COL6A2: variants seen among roughly 807,000 people sequenced by gnomAD.
COL6A2 encodes the protein collagen alpha-2(VI) chain.
In COL6A2, 90 loss-of-function variants were observed where a neutral mutation model predicts 124.9. The observed-to-expected ratio is 0.72, with a 90% CI of 0.61 to 0.86. The LOEUF (loss-of-function observed/expected upper bound fraction) is 0.86, where lower values mean the gene tolerates loss of function less well. Ranked by LOEUF, COL6A2 falls within the 40% of genes least tolerant of loss-of-function variation. COL6A2 has a pLI of 0.00. For missense variants in COL6A2, 1,607 were observed against 1,502.5 expected (o/e 1.07, Z -1.15); for synonymous variants, 793 against 618.2 (o/e 1.28, Z -4.19).
chr21:46,107,377 T>A (rs1263110843), intron 1 of COL6A2, among the ~76,000 whole-genome samples: 2 of 152,150 alleles, frequency 1.3e-5, no homozygotes, highest in African/African-American at 4.8e-5. Flanking sequence ...TCCATCTGAC[T>A]CTGGCATGAC....
intron 5 of COL6A2, 124 bp downstream of exon 5, chr21:46,114,197 C>T (rs997611390): frequency 6.5e-5 from 51 of 779,800 alleles, no homozygotes; most frequent in Middle Eastern, 5.1e-4. Flanking sequence ...GAGGCCGAGG[C>T]GGGCGGATCA....
At chr21:46,105,765 AT>A (rs2078329465) in intron 1 of COL6A2, among the ~76,000 whole-genome samples, 1 of 152,218 alleles carries the variant, frequency 6.6e-6, no homozygotes. Flanking sequence ...ATGTTTCACC[AT>A]CAAAAAAATT....
Position 46,132,062 on chromosome 21 carries a change from A to AGCAGGTGGCGCG in COL6A2, c.2573_2584dup (p.Gln858_Arg861dup), listed in dbSNP as rs1168186304. ...TTCCACAAGGCCCGGCGCTTCGTGGAGCAGGTGGCGCGGCGGCTGACGCTG... is the reference window on the plus strand; with the variant it reads ...TTCCACAAGGCCCGGCGCTTCGTGGAGCAGGTGGCGCGGCAGGTGGCGCGGCGGCTGACGCTG... On this transcript the variant is annotated inframe_insertion, in exon 28 of 28. Transcript: ENST00000300527. 5.6e-6 allele frequency: 9 copies of AGCAGGTGGCGCG among 1,606,392 alleles called. No individual in the cohort carries two copies. Among genetic ancestry groups the AGCAGGTGGCGCG allele is most frequent in the South Asian group, 1.1e-5 (1 of 90,748 alleles).
rs1384437929 is a variant in COL6A2, at chr21:46,125,960, C to T, written c.2145C>T (p.Ile715=). Reference sequence around the variant, plus strand: ...TCAAGTTTGCCTACGACCGCCTCATCAAGGAGAGCCGGCGCCAGAAGACAC... The same window carrying T: ...TCAAGTTTGCCTACGACCGCCTCATTAAGGAGAGCCGGCGCCAGAAGACAC... ...SALKFAYDRL[I]KESRRQKTRV... The change falls in exon 26 of 28, where the codon ATC becomes ATT. Residue 715 remains isoleucine, a synonymous_variant. Coordinates refer to ENST00000300527, the MANE Select transcript of COL6A2 (RefSeq NM_001849.4). The T allele has an allele frequency of 6.2e-7, 1 of 1,613,194 alleles. No homozygotes were observed. The highest frequency in any genetic ancestry group is 1.3e-5 in the African/African-American group (1 of 75,038).
rs748591526 is a variant in COL6A2, at chr21:46,122,548, G to A, written c.1608+17G>A. 86 of 1,612,336 alleles carry A rather than the reference G, an allele frequency of 5.3e-5. No individual in the cohort carries two copies. The highest frequency in any genetic ancestry group is 2.2e-4 in the East Asian group (10 of 44,846). On this transcript the variant is annotated intron_variant, in intron 20 of 27. Transcript: ENST00000300527. ...GGCCCCGAGGTATGTGTGGGTCCTG[G>A]CCACCTGTGCCCACCCAGGGTGGGG...
chr21:46,108,393 T>C (rs2078358782), intron 1 of COL6A2, among the ~76,000 whole-genome samples: 1 of 152,246 alleles, frequency 6.6e-6, no homozygotes, highest in Admixed American at 6.5e-5. Context: ...ACATGATTTC[T>C]GTATATGAGC....
At position 46,112,129 on chromosome 21, in the gene COL6A2, A is replaced by G. The variant is rs770956606; in HGVS notation, c.266A>G (p.Gln89Arg). 6.2e-7 allele frequency: 1 copy of G among 1,613,178 alleles called. No individual in the cohort carries two copies. The highest frequency in any genetic ancestry group is 1.7e-5 in the Admixed American group (1 of 60,020). ...CTGCAGAACGAGTTCTACCTGGACCAGGTGGCGCTGAGCTGGCGCTACGGC... is the reference window on the plus strand; with the variant it reads ...CTGCAGAACGAGTTCTACCTGGACCGGGTGGCGCTGAGCTGGCGCTACGGC... ...SQLQNEFYLD[Q>R]VALSWRYGGL... Residue 89 changes from glutamine (Q) to arginine (R), a missense_variant, in exon 3 of 28, where the codon CAG becomes CGG. By Grantham distance (43) the Gln-to-Arg change is conservative. Coordinates refer to ENST00000300527, the MANE Select transcript of COL6A2 (RefSeq NM_001849.4).
chr21:46,129,000 C>T (rs1027097562), intron 27 of COL6A2: 17 of 1,605,436 alleles, frequency 1.1e-5, no homozygotes, highest in Non-Finnish European at 1.4e-5. Context: ...CTGCCAGCTT[C>T]CTGTCCCTGT....
chr21:46,118,917 G>C lies in COL6A2; in HGVS notation c.1180-113G>C, dbSNP rs906729739. 24 of 1,010,872 alleles carry C rather than the reference G, an allele frequency of 2.4e-5. No homozygotes were observed. In the African/African-American group the frequency reaches 3.3e-4, roughly 14 times the overall value. 62.6% of individuals were successfully genotyped at this position (1,010,872 alleles called of 1,614,324 possible). A position where few individuals can be genotyped will look rare whatever the true frequency, so the allele number is the denominator to read the frequency against. ...ACCCTGCAGGGCCCCCATGTGCCTG[G>C]CAAGCAGATTCCGCTGGAAGATAAT... On this transcript the variant is annotated intron_variant, in intron 13 of 27. Transcript: ENST00000300527.
Position 46,113,001 on chromosome 21 carries a change from C to A in COL6A2, c.735+177C>A. ...CTGGAGAAAGGGCTCCCAGCCAAAGCTAGGCTGTTTAGATCCCGTGAGGGT... is the reference window on the plus strand; with the variant it reads ...CTGGAGAAAGGGCTCCCAGCCAAAGATAGGCTGTTTAGATCCCGTGAGGGT... On this transcript the variant is annotated intron_variant, in intron 4 of 27. Transcript: ENST00000300527. The A allele has an allele frequency of 5.1e-6, 4 of 782,954 alleles. 1 individual carries two copies. The highest frequency in any genetic ancestry group is 1.6e-5 in the South Asian group (1 of 64,510). 48.5% of individuals were successfully genotyped at this position (782,954 alleles called of 1,614,324 possible). A position where few individuals can be genotyped will look rare whatever the true frequency, so the allele number is the denominator to read the frequency against.
Position 46,132,356 on chromosome 21 carries a change from A to G in COL6A2, c.2864A>G (p.Asp955Gly). The change falls in exon 28 of 28, where the codon GAC becomes GGC. Residue 955 changes from aspartate (D) to glycine (G), a missense_variant. Coordinates refer to ENST00000300527, the MANE Select transcript of COL6A2 (RefSeq NM_001849.4). Reference protein sequence around the residue: ...VFLTDGVTGNDSLHESAHSMR... With the variant: ...VFLTDGVTGNGSLHESAHSMR... Reference sequence around the variant, plus strand: ...CTCACGGACGGCGTCACGGGCAACGACAGTCTGCACGAGTCGGCGCACTCC... The same window carrying G: ...CTCACGGACGGCGTCACGGGCAACGGCAGTCTGCACGAGTCGGCGCACTCC... The G allele has an allele frequency of 6.2e-7, 1 of 1,608,860 alleles. No homozygotes were observed. The highest frequency in any genetic ancestry group is 8.5e-7 in the Non-Finnish European group (1 of 1,179,578).
chr21:46,132,472 G>A lies in COL6A2; in HGVS notation c.2980G>A (p.Ala994Thr), dbSNP rs117931394. The A allele has an allele frequency of 5.5e-3, 8,850 of 1,606,384 alleles. 443 individuals are homozygous for A. The East Asian group carries it at 0.13, about 23-fold the overall frequency. The change falls in exon 28 of 28, where the codon GCC (alanine) becomes ACC (threonine). Residue 994 changes from alanine (A) to threonine (T), a missense_variant. Physicochemically the swap from Ala to Thr is moderately conservative, Grantham distance 58. Around this residue, in one of 3 missense-constraint regions of COL6A2, gnomAD observed 1,223 missense variants for 1,052.2 expected, o/e 1.16. Coordinates refer to ENST00000300527, the MANE Select transcript of COL6A2 (RefSeq NM_001849.4). ...VLTTLSLGDRAAVFHEKDYDS... is the reference protein window; with the variant it reads ...VLTTLSLGDRTAVFHEKDYDS... ...CACCACGCTCAGCCTGGGTGACCGC[G>A]CCGCCGTGTTCCACGAGAAGGACTA...
At position 46,125,424 on chromosome 21, in the gene COL6A2, G is replaced by A. The variant is rs201127295; in HGVS notation, c.1817-41G>A. On this transcript the variant is annotated intron_variant, in intron 24 of 27. Transcript: ENST00000300527. ...ATGTGCACGTGACCCTAGGGTCTGAGGTCTCCCCGGTACCCCCCGATGACC... is the reference window on the plus strand; with the variant it reads ...ATGTGCACGTGACCCTAGGGTCTGAAGTCTCCCCGGTACCCCCCGATGACC... 176 of 1,611,292 alleles carry A rather than the reference G, an allele frequency of 1.1e-4. No homozygotes were observed. The African/African-American group carries it at 2.1e-3, about 19-fold the overall frequency.
At chr21:46,117,975 C>A (rs180796593) in intron 12 of COL6A2, 39 bp downstream of exon 12, 2 of 1,587,444 alleles carry the variant, frequency 1.3e-6, no homozygotes, top group Non-Finnish European at 1.7e-6. Flanking sequence ...GGCGGGGTCA[C>A]CAGCTTCCAG....
intron 1 of COL6A2, among the ~76,000 whole-genome samples, chr21:46,108,378 C>T (rs2078358629): frequency 6.6e-6 from 1 of 152,074 alleles, no homozygotes; most frequent in Non-Finnish European, 1.5e-5. Context: ...TCCCTGAATT[C>T]CTGGACATGA....
intron 11 of COL6A2, 176 bp downstream of exon 11, chr21:46,117,629 C>T: frequency 1.3e-6 from 1 of 775,046 alleles, no homozygotes; most frequent in South Asian, 1.6e-5. Flanking sequence ...GAGGAACTCC[C>T]CCTGGGAGCT....
intron 1 of COL6A2, 171 bp from the exon 2 acceptor site, chr21:46,111,279 C>T (rs989386335): frequency 8.8e-6 from 5 of 568,270 alleles, no homozygotes; most frequent in South Asian, 2.1e-5. Flanking sequence ...GGGCGCAAGC[C>T]CCCCAGTCCA....
At chr21:46,117,171 C>T (rs1398636498) in intron 10 of COL6A2, among the ~76,000 whole-genome samples, 1 of 152,250 alleles carries the variant, frequency 6.6e-6, no homozygotes, top group Admixed American at 6.5e-5. Context: ...GGAGCTCTGC[C>T]CTCAGGGCCT....
rs1198807794 is a variant in COL6A2 at position 46,122,531 on chromosome 21, G to A, written c.1608G>A (p.Glu536=). Residue 536 remains glutamate (E), a splice_region_variant and synonymous_variant, in exon 20 of 28, where the codon GAG becomes GAA. Coordinates refer to ENST00000300527, the MANE Select transcript of COL6A2 (RefSeq NM_001849.4). ...GCGAGCCCGGCCCACGCGGCCCCGA[G>A]GTATGTGTGGGTCCTGGCCACCTGT... is the stretch of plus-strand genomic sequence containing the variant. ...EKGEPGPRGP[E]GGRGDFGLKG... 1.2e-6 allele frequency: 2 copies of A among 1,612,534 alleles called. No homozygotes were observed. The highest frequency in any genetic ancestry group is 2.2e-5 in the East Asian group (1 of 44,836).
Sources: gnomAD v4.1 joint callset for allele counts (sites outside exome capture counted in the v4.1 genomes callset) on GRCh38, gnomAD v4.1.1 for gene constraint, gnomAD v4.1.1 regional missense constraint, MANE v1.5 for transcripts, NCBI Gene and HGNC (gene_info 2026-07-23, HGNC 2026-07-21) for gene names.